The following WWC1 variants were observed in gnomAD, a reference collection of about 807,000 sequenced individuals.
WWC1 encodes protein KIBRA.
WWC1 carries 55 observed loss-of-function variants against 138.4 expected under a neutral mutation model. That is an observed-to-expected ratio of 0.40 (90% CI 0.32 to 0.50). WWC1 has a LOEUF of 0.50. Ranked by LOEUF, WWC1 falls within the 20% of genes least tolerant of loss-of-function variation. The pLI, the probability that WWC1 is intolerant of heterozygous loss-of-function variation, is 0.72. For synonymous variants in WWC1, 524 were observed against 564.9 expected (o/e 0.93, Z 1.03); for missense variants, 1,226 against 1,420.4 (o/e 0.86, Z 2.20).
chr5:168,362,526 A>C (rs919042499), intron 1 of WWC1, among the ~76,000 whole-genome samples: 2 of 152,226 alleles, frequency 1.3e-5, no homozygotes, highest in African/African-American at 2.4e-5. Context: ...CTGTCCCCAA[A>C]GGTGTGCTAA....
chr5:168,323,382 C>T (rs1772279668), intron 1 of WWC1, among the ~76,000 whole-genome samples: 1 of 151,940 alleles, frequency 6.6e-6, no homozygotes, highest in East Asian at 1.9e-4. Flanking sequence ...CTCATCTCCA[C>T]TAAAATAAAA....
chr5:168,441,597 C>T, intron 15 of WWC1, 85 bp from the exon 16 acceptor site: 28 of 1,465,378 alleles, frequency 1.9e-5, no homozygotes, highest in Non-Finnish European at 2.6e-5. Flanking sequence ...GTGTTTTTTC[C>T]ATACTGTCCT....
chr5:168,438,730 C>T (rs1238399899), intron 15 of WWC1, among the ~76,000 whole-genome samples: 9 of 151,198 alleles, frequency 6.0e-5, no homozygotes, highest in East Asian at 3.9e-4. Context: ...TTGCACATGT[C>T]GAAACAATAA....
chr5:168,375,855 G>A (rs952191451), intron 2 of WWC1, among the ~76,000 whole-genome samples: 3 of 152,142 alleles, frequency 2.0e-5, no homozygotes, highest in Middle Eastern at 6.8e-3. Flanking sequence ...GAATACAGAC[G>A]TGAGCCACCA....
chr5:168,436,838 C>T (rs968660874), intron 15 of WWC1, among the ~76,000 whole-genome samples: 7 of 152,092 alleles, frequency 4.6e-5, no homozygotes, highest in East Asian at 1.9e-4. Context: ...CTTGGTTTCC[C>T]GGCTTCTGTC....
At chr5:168,403,040 TTCTTTC>T (rs1779460681) in intron 5 of WWC1, among the ~76,000 whole-genome samples, 1 of 129,714 alleles carries the variant, frequency 7.7e-6, no homozygotes. Flanking sequence ...CTTTCTTTCT[TTCTTTC>T]TTTCTTTCTT....
At chr5:168,435,664 G>A (rs80211070) in intron 15 of WWC1, among the ~76,000 whole-genome samples, 24,107 of 152,100 alleles carry the variant, frequency 0.16, 2,216 homozygotes, top group African/African-American at 0.25. Flanking sequence ...TCCCGCCTCA[G>A]CCTCTCAAAG....
chr5:168,361,997 C>T (rs772017768), intron 1 of WWC1, among the ~76,000 whole-genome samples: 1 of 152,122 alleles, frequency 6.6e-6, no homozygotes, highest in Non-Finnish European at 1.5e-5. Context: ...GCAGGAGAAT[C>T]GCTTGAACCC....
chr5:168,413,181 T>C lies in WWC1; in HGVS notation c.942-1167T>C, dbSNP rs542005327. 6.7e-4 allele frequency among the ~76,000 whole-genome samples: 102 copies of C among 152,274 alleles called. 1 individual carries two copies. The highest frequency in any genetic ancestry group is 8.2e-4 in the Non-Finnish European group (56 of 68,032). On this transcript the variant is annotated intron_variant, in intron 8 of 22. Coordinates refer to ENST00000265293, the MANE Select transcript of WWC1 (RefSeq NM_015238.3). ...CACGTTTATGATTTGCAGTCTTAGG[T>C]GCATCATATCCTCCCTGGGCATCTG...
At chr5:168,463,015 G>A (rs894357111) in intron 20 of WWC1, among the ~76,000 whole-genome samples, 1 of 152,196 alleles carries the variant, frequency 6.6e-6, no homozygotes, top group Non-Finnish European at 1.5e-5. Context: ...ATTCCTAATA[G>A]TATGCTTGCC....
chr5:168,406,712 C>T (rs938005930), intron 6 of WWC1, among the ~76,000 whole-genome samples: 4 of 151,994 alleles, frequency 2.6e-5, no homozygotes, highest in African/African-American at 4.8e-5. Context: ...GAGGCTGAGG[C>T]GGGCGGATCA....
intron 6 of WWC1, among the ~76,000 whole-genome samples, chr5:168,406,799 A>G (rs1779829901): frequency 6.6e-6 from 1 of 151,954 alleles, no homozygotes; most frequent in Admixed American, 6.6e-5. Flanking sequence ...AAAATAAGCC[A>G]GTTGCAGTGG....
chr5:168,332,145 C>CAA (rs58312732), intron 1 of WWC1, among the ~76,000 whole-genome samples: 4 of 126,336 alleles, frequency 3.2e-5, no homozygotes, highest in Non-Finnish European at 6.8e-5. Flanking sequence ...GATTCTGTCT[C>CAA]AAAAAAAAAA....
rs73805130 is a variant in WWC1 at position 168,432,968 on chromosome 5, T to C, written c.2280+1524T>C. On this transcript the variant is annotated intron_variant, in intron 15 of 22. Transcript: ENST00000265293. ...AGACCTTTGCCCAGAGAAGGGAATC[T>C]CTTTGCTCTCCATCCTTGCCTTGAT... Among the ~76,000 whole-genome samples the C allele has an allele frequency of 4.2e-3, 642 of 152,304 alleles. 4 individuals carry two copies. Among genetic ancestry groups the C allele is most frequent in the African/African-American group, 0.014 (599 of 41,574 alleles).
intron 15 of WWC1, among the ~76,000 whole-genome samples, chr5:168,440,643 G>A (rs572268325): frequency 2.6e-5 from 4 of 151,958 alleles, no homozygotes; most frequent in Admixed American, 1.3e-4. Context: ...CCAGCCTCCC[G>A]AGTAGCTGGG....
chr5:168,328,265 TAAAGA>T (rs1479028538), intron 1 of WWC1, among the ~76,000 whole-genome samples: 1 of 152,172 alleles, frequency 6.6e-6, no homozygotes, highest in Non-Finnish European at 1.5e-5. Flanking sequence ...GCTAATCAGG[TAAAGA>T]AGTCAGCAGG....
chr5:168,460,732 G>A lies in WWC1; in HGVS notation c.2906G>A (p.Arg969Gln), dbSNP rs1008923842. Residue 969 changes from arginine to glutamine, a missense_variant, in exon 20 of 23, where the codon CGG (arginine) becomes CAG (glutamine). This residue lies in a region of WWC1 where 206 missense variants were observed against 247.4 expected (regional missense o/e 0.83). Coordinates refer to ENST00000265293, the MANE Select transcript of WWC1 (RefSeq NM_015238.3). ...AACTCCCTGGAGCGACGCAGCGTCCGGATGAAGCGGGTAAGAGAGTCACCT... is the reference window on the plus strand; with the variant it reads ...AACTCCCTGGAGCGACGCAGCGTCCAGATGAAGCGGGTAAGAGAGTCACCT... Reference protein sequence around the residue: ...VRNSLERRSVRMKRPSSVKSL... With the variant: ...VRNSLERRSVQMKRPSSVKSL... 2.5e-6 allele frequency: 4 copies of A among 1,614,106 alleles called. No individual in the cohort carries two copies. Among genetic ancestry groups the A allele is most frequent in the South Asian group, 1.1e-5 (1 of 91,078 alleles).
chr5:168,346,106 A>T (rs181985872), intron 1 of WWC1, among the ~76,000 whole-genome samples: 114 of 152,190 alleles, frequency 7.5e-4, no homozygotes, highest in Non-Finnish European at 1.1e-3. Context: ...TTTGATTGGG[A>T]TGCCCAGCCC....
At chr5:168,433,683 G>T (rs1268045435) in intron 15 of WWC1, among the ~76,000 whole-genome samples, 1 of 152,052 alleles carries the variant, frequency 6.6e-6, no homozygotes, top group Admixed American at 6.6e-5. Flanking sequence ...GACTACAAGC[G>T]CCCACCACCA....
Sources: gnomAD v4.1 joint callset for allele counts (sites outside exome capture counted in the v4.1 genomes callset) on GRCh38, gnomAD v4.1.1 for gene constraint, gnomAD v4.1.1 regional missense constraint, MANE v1.5 for transcripts, NCBI Gene and HGNC (gene_info 2026-07-23, HGNC 2026-07-21) for gene names.